GRM7: variants seen among roughly 807,000 people sequenced by gnomAD.
GRM7 encodes metabotropic glutamate receptor 7.
Under a neutral mutation model 84.5 loss-of-function variants are expected in GRM7, and 35 were observed. The observed-to-expected ratio is 0.41, with a 90% CI of 0.32 to 0.55. GRM7 has a LOEUF of 0.55. Ranked by LOEUF, GRM7 falls within the 20% of genes least tolerant of loss-of-function variation. The probability of loss-of-function intolerance (pLI) is 0.19; values close to 1 mark genes in which losing one functional copy is unlikely to be tolerated. For synonymous variants in GRM7, 487 were observed against 455.1 expected (o/e 1.07, Z -0.89); for missense variants, 1,003 against 1,194.6 (o/e 0.84, Z 2.36).
intron 2 of GRM7, among the ~76,000 whole-genome samples, chr3:7,267,987 C>T (rs534232622): frequency 2.6e-5 from 4 of 152,146 alleles, no homozygotes; most frequent in African/African-American, 9.6e-5. Flanking sequence ...AAGAAACGCA[C>T]CTTGCTGCTC....
intron 2 of GRM7, among the ~76,000 whole-genome samples, chr3:7,240,217 T>G (rs2124919230): frequency 7.1e-6 from 1 of 141,808 alleles, no homozygotes; most frequent in Non-Finnish European, 1.5e-5. Flanking sequence ...GGTGTGGGGC[T>G]GAAACACACA....
At chr3:6,947,488 C>T (rs560677713) in intron 1 of GRM7, among the ~76,000 whole-genome samples, 35 of 152,116 alleles carry the variant, frequency 2.3e-4, no homozygotes, top group African/African-American at 7.2e-4. Flanking sequence ...CATCAATGTT[C>T]GTCAAGGATA....
At chr3:7,004,900 G>A (rs766909691) in intron 1 of GRM7, among the ~76,000 whole-genome samples, 2 of 152,144 alleles carry the variant, frequency 1.3e-5, no homozygotes, top group Non-Finnish European at 2.9e-5. Context: ...CAGACAACAG[G>A]CAGGCAAATC....
At chr3:7,334,777 T>C (rs1233442605) in intron 4 of GRM7, among the ~76,000 whole-genome samples, 1 of 152,152 alleles carries the variant, frequency 6.6e-6, no homozygotes, top group Admixed American at 6.5e-5. Flanking sequence ...GCTATTCTTA[T>C]ATCAGACAAA....
chr3:7,317,271 A>G (rs1057093443), intron 4 of GRM7, among the ~76,000 whole-genome samples: 3 of 149,938 alleles, frequency 2.0e-5, no homozygotes, highest in African/African-American at 7.6e-5. Flanking sequence ...CCTCTTCCCA[A>G]TTTTTATATG....
chr3:7,048,676 G>T (rs1696884869), intron 1 of GRM7, among the ~76,000 whole-genome samples: 1 of 151,798 alleles, frequency 6.6e-6, no homozygotes, highest in African/African-American at 2.4e-5. Flanking sequence ...ATGCATTGTG[G>T]AATGGTTAAA....
chr3:6,871,607 G>C (rs953223693), intron 1 of GRM7, among the ~76,000 whole-genome samples: 8 of 151,454 alleles, frequency 5.3e-5, no homozygotes, highest in African/African-American at 1.9e-4. Context: ...AGATTTTGTG[G>C]CTTAACCAAA....
intron 1 of GRM7, among the ~76,000 whole-genome samples, chr3:6,865,566 C>G (rs901381305): frequency 6.7e-6 from 1 of 150,208 alleles, no homozygotes; most frequent in African/African-American, 2.5e-5. Context: ...TTTTTTTCCT[C>G]CCAAAGCAAG....
intron 8 of GRM7, among the ~76,000 whole-genome samples, chr3:7,669,742 G>A (rs1699846685): frequency 6.6e-6 from 1 of 152,140 alleles, no homozygotes; most frequent in African/African-American, 2.4e-5. Context: ...AGGGAAATGG[G>A]TCTTGGGAAG....
At chr3:7,424,296 C>T (rs1024423613) in intron 5 of GRM7, among the ~76,000 whole-genome samples, 3 of 150,280 alleles carry the variant, frequency 2.0e-5, no homozygotes, top group Admixed American at 1.3e-4. Context: ...TCGTTTAAAA[C>T]CAAAAAAAAA....
At chr3:7,708,759 C>A (rs984204347) in intron 9 of GRM7, among the ~76,000 whole-genome samples, 1 of 152,088 alleles carries the variant, frequency 6.6e-6, no homozygotes, top group Non-Finnish European at 1.5e-5. Context: ...GCTCTCCCAG[C>A]AGCCGGGTAG....
At chr3:7,075,518 G>GTGTC (rs778593346) in intron 1 of GRM7, among the ~76,000 whole-genome samples, 2 of 111,172 alleles carry the variant, frequency 1.8e-5, no homozygotes, top group African/African-American at 2.6e-5. Flanking sequence ...GTGTGTGTGT[G>GTGTC]TGTGTGTGTG....
Position 7,204,588 on chromosome 3 carries a change from A to AT in GRM7, c.736+57921dup, listed in dbSNP as rs1559501027. Among the ~76,000 whole-genome samples the AT allele has an allele frequency of 3.3e-5, 5 of 152,336 alleles. No homozygotes were observed. The East Asian group carries it at 9.6e-4, about 29-fold the overall frequency. ...ACAGCTACCTTGTGGGGAAGGATGC[A>AT]TACATACATGGAAACATAGCAGAAA... On this transcript the variant is annotated intron_variant, in intron 2 of 9. Transcript: ENST00000357716.
chr3:6,899,949 C>G (rs1696326051), intron 1 of GRM7, among the ~76,000 whole-genome samples: 1 of 152,176 alleles, frequency 6.6e-6, no homozygotes, highest in South Asian at 2.1e-4. Flanking sequence ...TTACAGAAGT[C>G]AAATACGTCT....
chr3:7,598,694 A>G (rs976801668), intron 8 of GRM7, among the ~76,000 whole-genome samples: 3 of 152,210 alleles, frequency 2.0e-5, no homozygotes, highest in East Asian at 1.9e-4. Context: ...TGAAAATCCT[A>G]TTGGCAATTC....
At chr3:7,342,180 C>A (rs1670952113) in intron 4 of GRM7, among the ~76,000 whole-genome samples, 1 of 152,106 alleles carries the variant, frequency 6.6e-6, no homozygotes, top group Non-Finnish European at 1.5e-5. Context: ...CCCAATGACT[C>A]AGGGACCCAG....
rs577189585 is a variant in GRM7, at chr3:7,014,395, C to T, written c.520-132057C>T. Among the ~76,000 whole-genome samples the T allele has an allele frequency of 3.3e-5, 5 of 152,122 alleles. No individual in the cohort carries two copies. The East Asian group carries it at 7.7e-4, about 24-fold the overall frequency. ...TTACTCTGTCACCCAGGCTAAAGTG[C>T]AGTGGTGCAATGTCAGCTCACTGCA... On this transcript the variant is annotated intron_variant, in intron 1 of 9. Transcript: ENST00000357716.
chr3:7,636,182 T>G (rs552771708), intron 8 of GRM7: 67 of 456,648 alleles, frequency 1.5e-4, no homozygotes, highest in South Asian at 9.6e-4. Context: ...TAGGCTAACT[T>G]CTACTCATTC....
chr3:6,905,860 G>A (rs977711019), intron 1 of GRM7, among the ~76,000 whole-genome samples: 1 of 152,156 alleles, frequency 6.6e-6, no homozygotes, highest in African/African-American at 2.4e-5. Context: ...CTAATGAAAT[G>A]ATGGTATGAT....
Sources: allele counts gnomAD v4.1 joint callset (sites outside exome capture counted in the v4.1 genomes callset), GRCh38; gene constraint gnomAD v4.1.1; transcripts MANE v1.5; gene names NCBI Gene and HGNC (gene_info 2026-07-23, HGNC 2026-07-21).